Variants in LRRC49 observed in about 807,000 individuals in gnomAD.
LRRC49 encodes leucine-rich repeat-containing protein 49.
A neutral mutation model predicts 83.3 loss-of-function variants in LRRC49; 50 were observed. The ratio of observed to expected loss-of-function variants is 0.60; its 90% CI spans 0.48 to 0.76. The LOEUF (loss-of-function observed/expected upper bound fraction) is 0.76, where lower values mean the gene tolerates loss of function less well. LRRC49 is among the 30% of genes least tolerant of loss of function. LRRC49 has a pLI of 0.00. For missense variants in LRRC49, 704 were observed against 809.1 expected, an observed-to-expected ratio of 0.87 and a Z score of 1.58; for synonymous variants, 286 against 283.3, an observed-to-expected ratio of 1.01 and a Z score of -0.10.
chr15:70,911,839 T>A (rs1252890969), intron 6 of LRRC49, among the ~76,000 whole-genome samples: 1 of 152,140 alleles, frequency 6.6e-6, no homozygotes, highest in Non-Finnish European at 1.5e-5. Context: ...TTTTATTAAC[T>A]TATTTTTAAA....
intron 9 of LRRC49, among the ~76,000 whole-genome samples, chr15:70,975,752 C>T (rs1443132524): frequency 6.6e-6 from 1 of 151,766 alleles, no homozygotes; most frequent in Non-Finnish European, 1.5e-5. Flanking sequence ...ACCTCAAGCT[C>T]ACATTTAATT....
intron 1 of LRRC49, among the ~76,000 whole-genome samples, chr15:70,856,933 T>G (rs1315020653): frequency 6.6e-6 from 1 of 152,118 alleles, no homozygotes; most frequent in Non-Finnish European, 1.5e-5. Flanking sequence ...CCCAGAGCCG[T>G]GGCAGGGGAA....
intron 2 of LRRC49, among the ~76,000 whole-genome samples, chr15:70,894,245 T>A (rs2033725484): frequency 6.6e-6 from 1 of 152,156 alleles, no homozygotes; most frequent in Non-Finnish European, 1.5e-5. Context: ...TGATGGCATG[T>A]CATAGTTTAA....
intron 2 of LRRC49, among the ~76,000 whole-genome samples, chr15:70,886,921 A>G (rs1595981982): frequency 6.6e-6 from 1 of 152,278 alleles, no homozygotes; most frequent in African/African-American, 2.4e-5. Flanking sequence ...AGAAAAAATG[A>G]AAAAGCAAAA....
At chr15:70,869,267 A>G (rs2415098) in intron 1 of LRRC49, among the ~76,000 whole-genome samples, 82,985 of 151,960 alleles carry the variant, frequency 0.55, 23,447 homozygotes, top group Admixed American at 0.69. Context: ...TGTTAACAGT[A>G]ATGATTTCTG....
intron 2 of LRRC49, among the ~76,000 whole-genome samples, chr15:70,878,472 C>T (rs1407330474): frequency 1.3e-5 from 2 of 152,098 alleles, no homozygotes; most frequent in African/African-American, 2.4e-5. Context: ...ATTGCACCAA[C>T]TAGGATCTTC....
chr15:70,926,593 G>A (rs1341247974), intron 7 of LRRC49, among the ~76,000 whole-genome samples: 3 of 152,020 alleles, frequency 2.0e-5, no homozygotes, highest in African/African-American at 7.3e-5. Context: ...ATGTATACAT[G>A]TGCCATGTTG....
chr15:70,906,689 G>A (rs1362962638), intron 5 of LRRC49, among the ~76,000 whole-genome samples: 2 of 152,160 alleles, frequency 1.3e-5, no homozygotes, highest in East Asian at 1.9e-4. Context: ...TGCCTTGAAG[G>A]TACCAGTCTA....
intron 14 of LRRC49, among the ~76,000 whole-genome samples, chr15:71,028,154 A>C (rs2039234011): frequency 6.6e-6 from 1 of 152,214 alleles, no homozygotes; most frequent in Non-Finnish European, 1.5e-5. Flanking sequence ...TTTGGCATGA[A>C]GCGATGTTTA....
At chr15:70,916,096 G>C (rs2034761238) in intron 6 of LRRC49, among the ~76,000 whole-genome samples, 1 of 152,090 alleles carries the variant, frequency 6.6e-6, no homozygotes, top group African/African-American at 2.4e-5. Context: ...ATGTTCATCA[G>C]GTTTATGAAG....
At chr15:70,927,058 G>A (rs1245235397) in intron 7 of LRRC49, among the ~76,000 whole-genome samples, 2 of 152,066 alleles carry the variant, frequency 1.3e-5, no homozygotes, top group Admixed American at 6.5e-5. Context: ...AGTTAGAATG[G>A]CGATCATTAA....
intron 7 of LRRC49, among the ~76,000 whole-genome samples, chr15:70,928,512 T>G (rs972418865): frequency 2.6e-5 from 4 of 151,988 alleles, no homozygotes; most frequent in Non-Finnish European, 5.9e-5. Context: ...GTTTCCTAAA[T>G]CTGCAGATTC....
intron 15 of LRRC49, chr15:71,048,924 TGTAG>T (rs2039938540): frequency 4.5e-6 from 2 of 443,914 alleles, no homozygotes; most frequent in Non-Finnish European, 9.0e-6. Context: ...CGTAAGTCAG[TGTAG>T]TGTACCATTT....
chr15:71,032,760 C>G (rs1172544667), intron 14 of LRRC49, among the ~76,000 whole-genome samples: 1 of 152,124 alleles, frequency 6.6e-6, no homozygotes, highest in African/African-American at 2.4e-5. Context: ...AAGACCAAAA[C>G]CACATGATTA....
intron 1 of LRRC49, chr15:70,860,051 G>A (rs755235238): frequency 2.4e-5 from 18 of 736,370 alleles, no homozygotes; most frequent in African/African-American, 8.6e-5. Flanking sequence ...TGGCTCTGGC[G>A]CAGGCTCCAG....
chr15:70,999,898 G>A (rs1436765153), intron 11 of LRRC49, among the ~76,000 whole-genome samples: 3 of 152,162 alleles, frequency 2.0e-5, no homozygotes, highest in African/African-American at 7.2e-5. Flanking sequence ...CCCTAGGGAA[G>A]CTCCAGGGCA....
intron 14 of LRRC49, among the ~76,000 whole-genome samples, chr15:71,032,637 G>A (rs2039395005): frequency 6.6e-6 from 1 of 152,024 alleles, no homozygotes; most frequent in South Asian, 2.1e-4. Context: ...ACCAAATCAA[G>A]CATCACATCA....
intron 2 of LRRC49, among the ~76,000 whole-genome samples, chr15:70,876,767 T>C (rs1219706437): frequency 1.3e-5 from 2 of 152,208 alleles, no homozygotes; most frequent in East Asian, 1.9e-4. Flanking sequence ...TTTTACCTTC[T>C]CAAGCCAGGA....
intron 14 of LRRC49, among the ~76,000 whole-genome samples, chr15:71,029,421 A>G (rs796279437): frequency 2.6e-5 from 4 of 152,198 alleles, no homozygotes; most frequent in African/African-American, 9.6e-5. Context: ...GCATTTGCTG[A>G]GGAGTGTTTT....
Sources: gnomAD v4.1 joint callset for allele counts (sites outside exome capture counted in the v4.1 genomes callset) on GRCh38, gnomAD v4.1.1 for gene constraint, MANE v1.5 for transcripts, NCBI Gene and HGNC (gene_info 2026-07-23, HGNC 2026-07-21) for gene names.